MAGI2: variants seen among roughly 807,000 people sequenced by gnomAD.
The protein encoded by MAGI2 is membrane-associated guanylate kinase, WW and PDZ domain-containing protein 2.
Under a neutral mutation model 133.3 loss-of-function variants are expected in MAGI2, and 35 were observed. That is an observed-to-expected ratio of 0.26 (90% CI 0.20 to 0.35). The LOEUF is 0.35. MAGI2 is among the 10% of genes least tolerant of loss of function. The probability of loss-of-function intolerance (pLI) is 1.00; values close to 1 mark genes in which losing one functional copy is unlikely to be tolerated. For synonymous variants in MAGI2, 729 were observed against 710.6 expected, an observed-to-expected ratio of 1.03 and a Z score of -0.41; for missense variants, 1,636 against 1,863.4, an observed-to-expected ratio of 0.88 and a Z score of 2.25.
intron 9 of MAGI2, among the ~76,000 whole-genome samples, chr7:78,282,142 G>A (rs1202237108): frequency 6.6e-6 from 1 of 151,620 alleles, no homozygotes; most frequent in African/African-American, 2.4e-5. Context: ...ACTATTGCTG[G>A]TATTAAAACA....
intron 3 of MAGI2, among the ~76,000 whole-genome samples, chr7:78,590,040 T>C (rs1047945482): frequency 5.3e-5 from 8 of 152,340 alleles, no homozygotes; most frequent in Non-Finnish European, 1.2e-4. Flanking sequence ...CATTTGCTTG[T>C]GTACCCTAAA....
chr7:78,129,935 C>CAAAAAAAAAAAA (rs61675652), intron 18 of MAGI2, among the ~76,000 whole-genome samples: 1 of 57,142 alleles, frequency 1.8e-5, no homozygotes, highest in Non-Finnish European at 3.1e-5. Context: ...AACTCCGCCT[C>CAAAAAAAAAAAA]AAAAAAAAAA....
intron 9 of MAGI2, among the ~76,000 whole-genome samples, chr7:78,303,031 G>T (rs1797964785): frequency 6.6e-6 from 1 of 152,282 alleles, no homozygotes; most frequent in African/African-American, 2.4e-5. Flanking sequence ...TTTATTGGCA[G>T]AAGTGATATT....
At chr7:79,323,056 T>G (rs2129561797) in intron 1 of MAGI2, among the ~76,000 whole-genome samples, 1 of 152,198 alleles carries the variant, frequency 6.6e-6, no homozygotes, top group South Asian at 2.1e-4. Flanking sequence ...CATGCTAGTC[T>G]CAAACTCTTG....
At chr7:78,601,517 C>T (rs1024385990) in intron 3 of MAGI2, among the ~76,000 whole-genome samples, 8 of 152,126 alleles carry the variant, frequency 5.3e-5, no homozygotes, top group African/African-American at 1.9e-4. Context: ...TCCTGTCTGC[C>T]TTACCTCAGG....
chr7:78,888,748 C>A (rs979023396), intron 2 of MAGI2, among the ~76,000 whole-genome samples: 1 of 151,970 alleles, frequency 6.6e-6, no homozygotes, highest in African/African-American at 2.4e-5. Context: ...TCATCAAAGA[C>A]CAAAGGTAGA....
intron 3 of MAGI2, among the ~76,000 whole-genome samples, chr7:78,529,366 G>A (rs1797242890): frequency 6.6e-6 from 1 of 152,184 alleles, no homozygotes; most frequent in African/African-American, 2.4e-5. Flanking sequence ...CCCTTCAGGT[G>A]TTATCAGAGT....
At chr7:78,238,748 A>G (rs1043272329) in intron 10 of MAGI2, among the ~76,000 whole-genome samples, 1 of 152,024 alleles carries the variant, frequency 6.6e-6, no homozygotes, top group African/African-American at 2.4e-5. Flanking sequence ...CCAACAGTCT[A>G]TTCTCAACAC....
chr7:79,171,770 A>ATATATATATTTTT, intron 1 of MAGI2, among the ~76,000 whole-genome samples: 14 of 31,210 alleles, frequency 4.5e-4, no homozygotes, highest in Non-Finnish European at 8.9e-4. Flanking sequence ...ATATATATAT[A>ATATATATATTTTT]TTTTTTTTTT....
At chr7:79,280,398 C>G (rs1835543679) in intron 1 of MAGI2, among the ~76,000 whole-genome samples, 2 of 151,520 alleles carry the variant, frequency 1.3e-5, no homozygotes, top group Non-Finnish European at 2.9e-5. Context: ...TATAAAGATA[C>G]CTATCCAAGT....
intron 1 of MAGI2, among the ~76,000 whole-genome samples, chr7:79,016,662 T>G (rs763676014): frequency 1.3e-5 from 2 of 152,276 alleles, no homozygotes; most frequent in Middle Eastern, 3.4e-3. Flanking sequence ...TGCACCATGC[T>G]GTGACACAGC....
At chr7:79,078,803 G>A (rs1463157364) in intron 1 of MAGI2, among the ~76,000 whole-genome samples, 2 of 152,066 alleles carry the variant, frequency 1.3e-5, no homozygotes, top group African/African-American at 2.4e-5. Context: ...CAATGGGTAC[G>A]TTAGCCCATG....
At chr7:78,733,714 A>C (rs1821584654) in intron 2 of MAGI2, among the ~76,000 whole-genome samples, 1 of 152,166 alleles carries the variant, frequency 6.6e-6, no homozygotes, top group Non-Finnish European at 1.5e-5. Context: ...CAGACAGCAA[A>C]ATCTTTATAT....
chr7:79,246,275 A>G (rs1428447874), intron 1 of MAGI2, among the ~76,000 whole-genome samples: 3 of 152,182 alleles, frequency 2.0e-5, no homozygotes, highest in African/African-American at 7.2e-5. Context: ...AGACCACCCA[A>G]GAAACATGGC....
At position 78,521,659 on chromosome 7, in the gene MAGI2, C is replaced by T. The variant is rs1384917830; in HGVS notation, c.539-14G>A. On this transcript the variant is annotated splice_polypyrimidine_tract_variant and intron_variant, in intron 3 of 21. Transcript: ENST00000354212. ...CGTAGTAATTGTCTGCAAACAATACCAAAACATTCTTGGAGTTAAATATTT... is the reference window on the plus strand; with the variant it reads ...CGTAGTAATTGTCTGCAAACAATACTAAAACATTCTTGGAGTTAAATATTT... 1 of 1,605,094 alleles carries T rather than the reference C, an allele frequency of 6.2e-7. No individual in the cohort carries two copies. The highest frequency in any genetic ancestry group is 1.7e-5 in the Admixed American group (1 of 59,930).
chr7:78,307,750 G>A lies in MAGI2; in HGVS notation c.1408+36028C>T, dbSNP rs756553629. On this transcript the variant is annotated intron_variant, in intron 9 of 21. Coordinates refer to ENST00000354212, the MANE Select transcript of MAGI2 (RefSeq NM_012301.4). Reference sequence around the variant, plus strand: ...GACTGGCTAAGAGTTGATAACCTAAGTGCTGAGTATGTGGGAATTAATTGT... The same window carrying A: ...GACTGGCTAAGAGTTGATAACCTAAATGCTGAGTATGTGGGAATTAATTGT... Among the ~76,000 whole-genome samples the A allele has an allele frequency of 3.9e-5, 6 of 152,146 alleles. No individual in the cohort carries two copies. The East Asian group carries it at 1.2e-3, about 29-fold the overall frequency.
chr7:78,689,946 T>C (rs904715457), intron 2 of MAGI2, among the ~76,000 whole-genome samples: 2 of 152,154 alleles, frequency 1.3e-5, no homozygotes, highest in African/African-American at 2.4e-5. Context: ...TTTAACTACA[T>C]GTTTATCTTT....
Position 78,891,629 on chromosome 7 carries a change from A to G in MAGI2, c.418+115461T>C, listed in dbSNP as rs577773488. On this transcript the variant is annotated intron_variant, in intron 2 of 21. Coordinates refer to ENST00000354212, the MANE Select transcript of MAGI2 (RefSeq NM_012301.4). ...GTAAACAGAACCAATGACAAAAACT[A>G]CAAGATTATCTCAATAGATGCAGAA... is the stretch of plus-strand genomic sequence containing the variant. 1.3e-5 allele frequency among the ~76,000 whole-genome samples: 2 copies of G among 152,368 alleles called. 1 individual carries two copies. The highest frequency in any genetic ancestry group is 4.1e-4 in the South Asian group (2 of 4,830).
chr7:78,823,272 A>T (rs1461053813), intron 2 of MAGI2, among the ~76,000 whole-genome samples: 1 of 152,096 alleles, frequency 6.6e-6, no homozygotes, highest in African/African-American at 2.4e-5. Flanking sequence ...TTGATAGTCT[A>T]AAAAAATCAG....
Sources: allele counts gnomAD v4.1 joint callset (sites outside exome capture counted in the v4.1 genomes callset), GRCh38; gene constraint gnomAD v4.1.1; transcripts MANE v1.5; gene names NCBI Gene and HGNC (gene_info 2026-07-23, HGNC 2026-07-21).